The following FYN variants were observed in gnomAD, a reference collection of about 807,000 sequenced individuals.
FYN encodes the protein tyrosine-protein kinase Fyn.
Under a neutral mutation model 70.2 loss-of-function variants are expected in FYN, and 10 were observed. That is an observed-to-expected ratio of 0.14 (90% CI 0.09 to 0.24). The LOEUF (loss-of-function observed/expected upper bound fraction) is 0.24, where lower values mean the gene tolerates loss of function less well. Among genes scored for constraint, FYN ranks in the 10% least tolerant of loss-of-function variants. The pLI is 1.00. For synonymous variants in FYN, 236 were observed against 248.6 expected (o/e 0.95, Z 0.48); for missense variants, 319 against 673.1 (o/e 0.47, Z 5.82).
intron 1 of FYN, among the ~76,000 whole-genome samples, chr6:111,856,737 C>A (rs1200985133): frequency 6.6e-6 from 1 of 151,824 alleles, no homozygotes; most frequent in African/African-American, 2.4e-5. Context: ...TCTCTTGGCT[C>A]CCCCCCGACA....
chr6:111,745,392 G>C (rs991461296), intron 3 of FYN, among the ~76,000 whole-genome samples: 5 of 152,190 alleles, frequency 3.3e-5, no homozygotes, highest in African/African-American at 1.2e-4. Context: ...TGGGTTCTCA[G>C]AGGATGGGCA....
intron 2 of FYN, among the ~76,000 whole-genome samples, chr6:111,830,293 A>G (rs1463527287): frequency 1.3e-5 from 2 of 152,206 alleles, no homozygotes; most frequent in East Asian, 1.9e-4. Context: ...GGTTTGAGAC[A>G]GATATGCAAG....
At position 111,694,274 on chromosome 6, in the gene FYN, T is replaced by G. The variant is rs1227740732; in HGVS notation, c.1273+101A>C. 1 of 1,432,130 alleles carries G rather than the reference T, an allele frequency of 7.0e-7. No individual in the cohort carries two copies. The highest frequency in any genetic ancestry group is 9.6e-7 in the Non-Finnish European group (1 of 1,038,824). The allele number at this position is 1,432,130 out of a possible 1,614,324, so 88.7% of individuals were successfully genotyped here. A position where few individuals can be genotyped will look rare whatever the true frequency, so the allele number is the denominator to read the frequency against. ...CCAAGCTGAAGAATGACATTTCAAG[T>G]ATTTTCTGAAGGAAGGGAAGGGAAG... On this transcript the variant is annotated intron_variant, in intron 12 of 13. Coordinates refer to ENST00000354650, the MANE Select transcript of FYN (RefSeq NM_002037.5). The surrounding 1 kb of genome is among the most constrained non-coding windows in gnomAD (Gnocchi z 5.0).
chr6:111,788,309 A>G (rs1311482145), intron 2 of FYN, among the ~76,000 whole-genome samples: 1 of 152,180 alleles, frequency 6.6e-6, no homozygotes, highest in African/African-American at 2.4e-5. Flanking sequence ...CACAGAGGAG[A>G]CAGTTCTAGT....
At chr6:111,714,288 TG>T in intron 5 of FYN, 58 bp downstream of exon 5, 1 of 1,096,462 alleles carries the variant, frequency 9.1e-7, no homozygotes, top group East Asian at 2.4e-5. Flanking sequence ...AGACCAGAAA[TG>T]CAAGACCCCT....
At chr6:111,709,901 T>C (rs1440628474) in intron 5 of FYN, among the ~76,000 whole-genome samples, 1 of 152,230 alleles carries the variant, frequency 6.6e-6, no homozygotes, top group Non-Finnish European at 1.5e-5. Flanking sequence ...GTCTCATTTC[T>C]ATGCCTTCCA....
chr6:111,698,503 C>A (rs140515882), intron 9 of FYN, among the ~76,000 whole-genome samples: 76 of 152,162 alleles, frequency 5.0e-4, no homozygotes, highest in South Asian at 4.2e-4. Context: ...GGGTACTGAT[C>A]GATATTGTTT....
At chr6:111,773,500 CGGGGGAGGGAGAGCGGGTG>C (rs1803549447) in intron 3 of FYN, among the ~76,000 whole-genome samples, 1 of 32,126 alleles carries the variant, frequency 3.1e-5, no homozygotes, top group Non-Finnish European at 5.6e-5. Flanking sequence ...AGAGGGAGAG[CGGGGGAGGGAGAGCGGGTG>C]AGAGAGAGGG....
intron 1 of FYN, among the ~76,000 whole-genome samples, chr6:111,851,315 T>C (rs146788857): frequency 3.5e-4 from 54 of 152,366 alleles, no homozygotes; most frequent in African/African-American, 1.3e-3. Flanking sequence ...AAAAAGGTAA[T>C]ACACGCTCAT....
At chr6:111,754,209 C>T (rs1228762839) in intron 3 of FYN, among the ~76,000 whole-genome samples, 1 of 152,158 alleles carries the variant, frequency 6.6e-6, no homozygotes, top group African/African-American at 2.4e-5. Context: ...GAATGTGGAA[C>T]TCTTCTACTG....
intron 3 of FYN, among the ~76,000 whole-genome samples, chr6:111,725,351 T>C (rs1445439110): frequency 6.6e-6 from 1 of 152,234 alleles, no homozygotes; most frequent in African/African-American, 2.4e-5. Flanking sequence ...AATTTCCTAA[T>C]TTCCCAGCAC....
intron 2 of FYN, among the ~76,000 whole-genome samples, chr6:111,822,337 G>A (rs1394076490): frequency 2.6e-5 from 4 of 152,150 alleles, no homozygotes; most frequent in Non-Finnish European, 4.4e-5. Flanking sequence ...GTAGGGACAT[G>A]GATGAAGCTG....
intron 2 of FYN, among the ~76,000 whole-genome samples, chr6:111,831,070 C>A (rs184824881): frequency 2.0e-5 from 3 of 152,198 alleles, no homozygotes; most frequent in African/African-American, 7.2e-5. Flanking sequence ...CATTCTGTAT[C>A]AGTGTGCGTA....
At chr6:111,800,407 G>A (rs764213329) in intron 2 of FYN, among the ~76,000 whole-genome samples, 8 of 152,132 alleles carry the variant, frequency 5.3e-5, no homozygotes, top group African/African-American at 1.4e-4. Context: ...TCTGTGGGAC[G>A]AGTCCTCACA....
At chr6:111,688,147 T>C (rs1799108380) in intron 12 of FYN, among the ~76,000 whole-genome samples, 1 of 152,216 alleles carries the variant, frequency 6.6e-6, no homozygotes, top group Admixed American at 6.5e-5. Flanking sequence ...CTTCTTGAAT[T>C]CTTACAACCA....
intron 4 of FYN, 31 bp downstream of exon 4, chr6:111,719,774 C>A: frequency 6.2e-7 from 1 of 1,603,296 alleles, no homozygotes; most frequent in Non-Finnish European, 8.5e-7. Flanking sequence ...TGGCTGCCCC[C>A]TCTCTGCACT....
At chr6:111,722,549 A>G (rs79922003) in intron 3 of FYN, among the ~76,000 whole-genome samples, 111 of 152,218 alleles carry the variant, frequency 7.3e-4, no homozygotes, top group African/African-American at 2.6e-3. Context: ...CTTTTTTTCC[A>G]TGAATTTCAC....
intron 2 of FYN, among the ~76,000 whole-genome samples, chr6:111,803,892 C>T (rs1279345903): frequency 6.6e-6 from 1 of 152,076 alleles, no homozygotes; most frequent in Non-Finnish European, 1.5e-5. Context: ...TTTTGCTTTC[C>T]AAGGAAACAC....
At chr6:111,871,003 A>G (rs887065836) in intron 1 of FYN, among the ~76,000 whole-genome samples, 5 of 152,206 alleles carry the variant, frequency 3.3e-5, no homozygotes, top group African/African-American at 7.2e-5. Flanking sequence ...AAAGTGTGTA[A>G]GTAAATATTT....
Sources: gnomAD v4.1 joint callset for allele counts (sites outside exome capture counted in the v4.1 genomes callset) on GRCh38, gnomAD v4.1.1 for gene constraint, Gnocchi (gnomAD v3.1) non-coding constraint, MANE v1.5 for transcripts, NCBI Gene and HGNC (gene_info 2026-07-23, HGNC 2026-07-21) for gene names.